MACF1: variants seen among roughly 807,000 people sequenced by gnomAD.
MACF1 encodes the protein microtubule-actin cross-linking factor 1.
In MACF1, 193 loss-of-function variants were observed where a neutral mutation model predicts 854.8. That is an observed-to-expected ratio of 0.23 (90% CI 0.20 to 0.25). The LOEUF is 0.25. Ranked by LOEUF, MACF1 falls within the 10% of genes least tolerant of loss-of-function variation. The pLI is 1.00. For synonymous variants in MACF1, 3,185 were observed against 3,226.7 expected (o/e 0.99, Z 0.44); for missense variants, 7,722 against 8,929.1 (o/e 0.86, Z 5.45).
At chr1:39,437,375 A>G (rs1212107664) in intron 70 of MACF1, among the ~76,000 whole-genome samples, 1 of 149,996 alleles carries the variant, frequency 6.7e-6, no homozygotes, top group East Asian at 2.0e-4. Flanking sequence ...CAGTGGTGCT[A>G]TCTCAGCTCA....
At chr1:39,366,073 T>A (rs1394368986) in intron 49 of MACF1, among the ~76,000 whole-genome samples, 1 of 152,200 alleles carries the variant, frequency 6.6e-6, no homozygotes, top group Non-Finnish European at 1.5e-5. Flanking sequence ...TTTTAATGTG[T>A]GGTAGAGAGC....
intron 1 of MACF1, 90 bp from the exon 2 acceptor site, chr1:39,231,092 A>T: frequency 1.0e-6 from 1 of 962,414 alleles, no homozygotes. Context: ...AAGTTGTTCT[A>T]GAGAAACAGA....
At chr1:39,272,604 T>G (rs574095965) in intron 6 of MACF1, among the ~76,000 whole-genome samples, 1 of 152,312 alleles carries the variant, frequency 6.6e-6, no homozygotes, top group South Asian at 2.1e-4. Flanking sequence ...GTCTCCTCTG[T>G]TGATTAGTCC....
Position 39,385,576 on chromosome 1 carries a change from G to C in MACF1, c.13991G>C (p.Trp4664Ser). The change falls in exon 57 of 101, where the codon TGG becomes TCG. Residue 4664 changes from tryptophan to serine, a missense_variant. This residue lies in a region of MACF1 where 2,807 missense variants were observed against 3,235.8 expected (regional missense o/e 0.87). Transcript: ENST00000564288. ...GAACTCCAGAGCATCAATCAGAAATGGGTTGAGCTGACTGACAAACTCAAC... is the reference window on the plus strand; with the variant it reads ...GAACTCCAGAGCATCAATCAGAAATCGGTTGAGCTGACTGACAAACTCAAC... ...QKELQSINQK[W>S]VELTDKLNSR... 6.2e-7 allele frequency: 1 copy of C among 1,614,116 alleles called. No homozygotes were observed. Among genetic ancestry groups the C allele is most frequent in the Non-Finnish European group, 8.5e-7 (1 of 1,180,016 alleles).
intron 50 of MACF1, among the ~76,000 whole-genome samples, chr1:39,368,713 G>A (rs1450336807): frequency 6.6e-6 from 1 of 152,038 alleles, no homozygotes; most frequent in Non-Finnish European, 1.5e-5. Flanking sequence ...CACTGGCCAG[G>A]CTGGTCTCGA....
intron 2 of MACF1, among the ~76,000 whole-genome samples, chr1:39,112,355 A>T (rs889304821): frequency 7.2e-5 from 11 of 152,098 alleles, no homozygotes; most frequent in African/African-American, 2.7e-4. Flanking sequence ...AAGTGCTGGG[A>T]TTACAGGCAT....
chr1:39,087,792 A>G (rs1641710543), intron 2 of MACF1, among the ~76,000 whole-genome samples: 2 of 151,334 alleles, frequency 1.3e-5, no homozygotes, highest in South Asian at 4.2e-4. Context: ...TTTTTTTTTG[A>G]GACAGAGTCT....
intron 14 of MACF1, among the ~76,000 whole-genome samples, chr1:39,286,415 A>G (rs980167265): frequency 6.6e-6 from 1 of 151,942 alleles, no homozygotes; most frequent in Non-Finnish European, 1.5e-5. Flanking sequence ...AGGGGGGAAA[A>G]TTGAGACCCA....
At chr1:39,124,303 G>C (rs891353670) in intron 2 of MACF1, among the ~76,000 whole-genome samples, 8 of 152,160 alleles carry the variant, frequency 5.3e-5, no homozygotes, top group African/African-American at 1.9e-4. Context: ...TTGAAACCTG[G>C]TTTGGCCACT....
At chr1:39,336,677 T>C in intron 37 of MACF1, 24 bp downstream of exon 37, 2 of 1,546,410 alleles carry the variant, frequency 1.3e-6, no homozygotes, top group Non-Finnish European at 1.7e-6. Context: ...TTTTTTTTTT[T>C]TCTTCCTAAA....
intron 34 of MACF1, 122 bp downstream of exon 34, chr1:39,324,467 A>G: frequency 3.1e-6 from 4 of 1,270,620 alleles, no homozygotes; most frequent in Non-Finnish European, 4.3e-6. Context: ...TAAATGTTAA[A>G]GAAACTTAAG....
At chr1:39,470,621 G>C (rs1054003486) in intron 97 of MACF1, among the ~76,000 whole-genome samples, 1 of 152,128 alleles carries the variant, frequency 6.6e-6, no homozygotes, top group African/African-American at 2.4e-5. Context: ...ACTCCAGCCT[G>C]GGCAACAAGG....
In MACF1 at chr1:39,159,160, G is replaced by A. The variant is rs555557870; in HGVS notation, c.221-72022G>A. The stretch of plus-strand genomic sequence containing the variant: ...TTTTATGCGTTTAGGCAATTAAACA[G>A]AAGGGATAGAGTTTGTAAATGCAAT... On this transcript the variant is annotated intron_variant, in intron 2 of 93. Coordinates refer to the MACF1 transcript ENST00000361689. Among the ~76,000 whole-genome samples, 6 of 152,380 alleles carry A rather than the reference G, an allele frequency of 3.9e-5. No homozygotes were observed. In the South Asian group the frequency reaches 8.3e-4, roughly 21 times the overall value.
chr1:39,412,731 A>C (rs765719080), intron 58 of MACF1: 1 of 1,613,840 alleles, frequency 6.2e-7, no homozygotes, highest in South Asian at 1.1e-5. Context: ...ATACTGAACC[A>C]GTTTTAGAGG....
At chr1:39,305,278 G>A (rs1270109730) in intron 23 of MACF1, among the ~76,000 whole-genome samples, 3 of 105,800 alleles carry the variant, frequency 2.8e-5, no homozygotes, top group Non-Finnish European at 4.9e-5. Flanking sequence ...AAAAAAAAAA[G>A]TGTGTGTGTG....
At chr1:39,100,630 G>C (rs979743472) in intron 2 of MACF1, among the ~76,000 whole-genome samples, 1 of 152,092 alleles carries the variant, frequency 6.6e-6, no homozygotes, top group African/African-American at 2.4e-5. Flanking sequence ...GAGGTGGGCA[G>C]ATTACCTGAG....
intron 15 of MACF1, among the ~76,000 whole-genome samples, chr1:39,287,928 G>A (rs1255367968): frequency 1.3e-5 from 2 of 152,120 alleles, no homozygotes; most frequent in Non-Finnish European, 2.9e-5. Context: ...TTTCTCATTT[G>A]AAACCCTTTG....
intron 46 of MACF1, 117 bp downstream of exon 46, chr1:39,358,990 A>G (rs1255088008): frequency 3.5e-6 from 5 of 1,418,462 alleles, no homozygotes; most frequent in Admixed American, 4.6e-5. Flanking sequence ...GATGCCTTGG[A>G]CAAGATCTGA....
At chr1:39,387,108 TAGACCG>T in intron 57 of MACF1, 73 bp from the exon 58 acceptor site, 1 of 1,491,292 alleles carries the variant, frequency 6.7e-7, no homozygotes, top group South Asian at 1.3e-5. Context: ...CCCCCAAGAT[TAGACCG>T]TATACTCTCA....
Sources: gnomAD v4.1 joint callset for allele counts (sites outside exome capture counted in the v4.1 genomes callset) on GRCh38, gnomAD v4.1.1 for gene constraint, gnomAD v4.1.1 regional missense constraint, MANE v1.5 for transcripts, NCBI Gene and HGNC (gene_info 2026-07-23, HGNC 2026-07-21) for gene names.